EFNA5: variants seen among roughly 807,000 people sequenced by gnomAD.
EFNA5 encodes the protein ephrin A5.
In EFNA5, 5 loss-of-function variants were observed where a neutral mutation model predicts 22.9. The ratio of observed to expected loss-of-function variants is 0.22; its 90% CI spans 0.11 to 0.46. EFNA5 has a LOEUF of 0.46. Among genes scored for constraint, EFNA5 ranks in the 20% least tolerant of loss-of-function variants. EFNA5 has a pLI of 0.99. For missense variants in EFNA5, 237 were observed against 293.3 expected, an observed-to-expected ratio of 0.81 and a Z score of 1.40; for synonymous variants, 113 against 112.2, an observed-to-expected ratio of 1.01 and a Z score of -0.04.
At position 107,659,567 on chromosome 5, in the gene EFNA5, T is replaced by C. The variant is rs10077954; in HGVS notation, c.125+10922A>G. 8.2e-3 allele frequency among the ~76,000 whole-genome samples: 1,153 copies of C among 140,524 alleles called. 24 individuals carry two copies. The highest frequency in any genetic ancestry group is 0.028 in the African/African-American group (1,053 of 38,140). 92.2% of individuals were successfully genotyped at this position (140,524 alleles called of 152,430 possible). Reference sequence around the variant, plus strand: ...CATAGGTCTACAGGCCCAGAGACAATAAAATGGCTAAAAGCCATCAAAAGA... The same window carrying C: ...CATAGGTCTACAGGCCCAGAGACAACAAAATGGCTAAAAGCCATCAAAAGA... On this transcript the variant is annotated intron_variant, in intron 1 of 4. Transcript: ENST00000333274.
In EFNA5 at chr5:107,604,015, G is replaced by A. The variant is rs1040059070; in HGVS notation, c.125+66474C>T. On this transcript the variant is annotated intron_variant, in intron 1 of 4. Transcript: ENST00000333274. ...CATAAGGACAAGGTAATTTTGTAAG[G>A]ACTAATTCAGGTACTCCTTTTTCAA... 5.9e-5 allele frequency among the ~76,000 whole-genome samples: 9 copies of A among 152,150 alleles called. 1 individual carries two copies. Among genetic ancestry groups the A allele is most frequent in the Admixed American group, 3.3e-4 (5 of 15,272 alleles).
In EFNA5 at chr5:107,516,049, C is replaced by T. The variant is rs77942804; in HGVS notation, c.126-88540G>A. On this transcript the variant is annotated intron_variant, in intron 1 of 4. Transcript: ENST00000333274. ...AGACACAGTCTCACACTGTCGCCCACGCTGAAGCGCAGTGGTATAATCATG... is the reference window on the plus strand; with the variant it reads ...AGACACAGTCTCACACTGTCGCCCATGCTGAAGCGCAGTGGTATAATCATG... 2.8e-4 allele frequency among the ~76,000 whole-genome samples: 42 copies of T among 152,234 alleles called. No individual in the cohort carries two copies. The East Asian group carries it at 7.8e-3, about 28-fold the overall frequency.
rs1747966906 is a variant in EFNA5 at position 107,397,717 on chromosome 5, A to G, written c.419-9946T>C. 3.9e-5 allele frequency among the ~76,000 whole-genome samples: 6 copies of G among 152,302 alleles called. No homozygotes were observed. The South Asian group carries it at 1.2e-3, about 32-fold the overall frequency. ...ATTCATTTAGGCTGGAGGCTCTCCA[A>G]ATGGAATCCTAGAGGCCTGAACAAA... On this transcript the variant is annotated intron_variant, in intron 2 of 4. Coordinates refer to ENST00000333274, the MANE Select transcript of EFNA5 (RefSeq NM_001962.3).
Position 107,670,599 on chromosome 5 carries a change from C to G in EFNA5, c.15G>C (p.Glu5Asp). 1 of 1,603,906 alleles carries G rather than the reference C, an allele frequency of 6.2e-7. No homozygotes were observed. Among genetic ancestry groups the G allele is most frequent in the Non-Finnish European group, 8.5e-7 (1 of 1,175,740 alleles). The change falls in exon 1 of 5, where the codon GAG (glutamate) becomes GAC (aspartate). Residue 5 changes from glutamate to aspartate, a missense_variant. Around this residue, in one of 3 missense-constraint regions of EFNA5, gnomAD observed 120 missense variants for 140.5 expected, o/e 0.85. Coordinates refer to ENST00000333274, the MANE Select transcript of EFNA5 (RefSeq NM_001962.3). ...GCACCAGAAACACCAGCGTCAACAT[C>G]TCCACGTGCAACATCACGCCTGGCC... MLHV[E>D]MLTLVFLVLW...
intron 1 of EFNA5, among the ~76,000 whole-genome samples, chr5:107,513,950 G>A (rs570011767): frequency 6.6e-6 from 1 of 152,294 alleles, no homozygotes; most frequent in East Asian, 1.9e-4. Flanking sequence ...ACAGGTGTTG[G>A]TGCTGGAATC....
chr5:107,560,771 C>G (rs1052441333), intron 1 of EFNA5, among the ~76,000 whole-genome samples: 1 of 152,156 alleles, frequency 6.6e-6, no homozygotes, highest in Non-Finnish European at 1.5e-5. Context: ...CAGGGACAGG[C>G]CCTCATCCAT....
In EFNA5 at chr5:107,506,395, G is replaced by C. The variant is rs17534179; in HGVS notation, c.126-78886C>G. Among the ~76,000 whole-genome samples, 473 of 152,322 alleles carry C rather than the reference G, an allele frequency of 3.1e-3. 6 individuals are homozygous for C. The highest frequency in any genetic ancestry group is 5.8e-3 in the South Asian group (28 of 4,826). On this transcript the variant is annotated intron_variant, in intron 1 of 4. Transcript: ENST00000333274. ...AAGAAGTAGTCTGAACTCTATTGGT[G>C]TAAGTATTTGTGTTTGATAATGGCA...
chr5:107,573,781 G>A (rs1328486479), intron 1 of EFNA5, among the ~76,000 whole-genome samples: 1 of 152,124 alleles, frequency 6.6e-6, no homozygotes. Context: ...ATTTATAAGA[G>A]GGGGAGAACG....
intron 1 of EFNA5, among the ~76,000 whole-genome samples, chr5:107,581,241 C>T (rs1749068702): frequency 6.6e-6 from 1 of 152,162 alleles, no homozygotes; most frequent in South Asian, 2.1e-4. Context: ...ACAGGTTAAA[C>T]TGTTTCATAA....
At chr5:107,560,482 C>T (rs981772522) in intron 1 of EFNA5, among the ~76,000 whole-genome samples, 8 of 152,142 alleles carry the variant, frequency 5.3e-5, no homozygotes, top group African/African-American at 1.9e-4. Flanking sequence ...CCTTGTTATT[C>T]ACCTTTAATA....
chr5:107,392,786 C>G (rs1009203386), intron 2 of EFNA5, among the ~76,000 whole-genome samples: 5 of 152,296 alleles, frequency 3.3e-5, no homozygotes, highest in Middle Eastern at 6.8e-3. Context: ...GCCCTTGCTC[C>G]CACAGAGCTG....
chr5:107,381,467 T>A, intron 4 of EFNA5, 91 bp from the exon 5 acceptor site: 1 of 1,415,316 alleles, frequency 7.1e-7, no homozygotes, highest in South Asian at 1.5e-5. Context: ...CTCGCCACCC[T>A]CTGCAAAGTA....
intron 1 of EFNA5, among the ~76,000 whole-genome samples, chr5:107,637,053 T>C (rs1375316264): frequency 2.0e-5 from 3 of 152,224 alleles, no homozygotes; most frequent in East Asian, 1.9e-4. Context: ...GTAATGACCA[T>C]GACAAATACC....
intron 1 of EFNA5, among the ~76,000 whole-genome samples, chr5:107,449,832 C>T (rs1269483431): frequency 6.6e-6 from 1 of 152,100 alleles, no homozygotes; most frequent in Non-Finnish European, 1.5e-5. Context: ...TTTCCTCTTC[C>T]AAAGTCTTTT....
chr5:107,637,499 T>G lies in EFNA5; in HGVS notation c.125+32990A>C, dbSNP rs541302748. On this transcript the variant is annotated intron_variant, in intron 1 of 4. Coordinates refer to ENST00000333274, the MANE Select transcript of EFNA5 (RefSeq NM_001962.3). ...ACCAAATATTCACAGCAAGGCACTG[T>G]GTGTGTGTGTGTGTGTGTCTGTGTG... 5.8e-3 allele frequency among the ~76,000 whole-genome samples: 410 copies of G among 70,942 alleles called. 2 individuals carry two copies. Among genetic ancestry groups the G allele is most frequent in the African/African-American group, 0.017 (356 of 20,372 alleles). The allele number at this position is 70,942 out of a possible 152,430, so 46.5% of individuals were successfully genotyped here. A position where few individuals can be genotyped will look rare whatever the true frequency, so the allele number is the denominator to read the frequency against.
At chr5:107,647,609 T>C (rs746840341) in intron 1 of EFNA5, among the ~76,000 whole-genome samples, 2 of 152,166 alleles carry the variant, frequency 1.3e-5, no homozygotes, top group Non-Finnish European at 2.9e-5. Flanking sequence ...CAGCTTTTAT[T>C]AGATAACAAG....
At chr5:107,440,502 G>T (rs1041281358) in intron 1 of EFNA5, among the ~76,000 whole-genome samples, 1 of 152,156 alleles carries the variant, frequency 6.6e-6, no homozygotes, top group Non-Finnish European at 1.5e-5. Flanking sequence ...GGACTGCAAG[G>T]TTTCTGAGGC....
chr5:107,545,298 C>T (rs1188854205), intron 1 of EFNA5, among the ~76,000 whole-genome samples: 1 of 152,222 alleles, frequency 6.6e-6, no homozygotes, highest in African/African-American at 2.4e-5. Context: ...TTCAAAAACA[C>T]ATGCAGTATT....
Position 107,499,105 on chromosome 5 carries a change from T to C in EFNA5, c.126-71596A>G, listed in dbSNP as rs192471740. 8.5e-5 allele frequency among the ~76,000 whole-genome samples: 13 copies of C among 152,272 alleles called. No homozygotes were observed. In the East Asian group the frequency reaches 2.1e-3, roughly 25 times the overall value. On this transcript the variant is annotated intron_variant, in intron 1 of 4. Coordinates refer to ENST00000333274, the MANE Select transcript of EFNA5 (RefSeq NM_001962.3). ...TTATCATAACCAAATAGCAAGCACA[T>C]AGATTTTGGTTAGTCATTCTAAATC... is the stretch of plus-strand genomic sequence containing the variant.
Sources: allele counts gnomAD v4.1 joint callset (sites outside exome capture counted in the v4.1 genomes callset), GRCh38; gene constraint gnomAD v4.1.1; regional missense constraint gnomAD v4.1.1; transcripts MANE v1.5; gene names NCBI Gene and HGNC (gene_info 2026-07-23, HGNC 2026-07-21).